Variants in CDS2 observed in about 807,000 individuals in gnomAD.
CDS2 encodes the protein phosphatidate cytidylyltransferase 2.
In CDS2, 47 loss-of-function variants were observed where a neutral mutation model predicts 59.0. The ratio of observed to expected loss-of-function variants is 0.80; its 90% CI spans 0.63 to 1.02. CDS2 has a LOEUF of 1.02. Ranked by LOEUF, CDS2 falls within the 50% of genes least tolerant of loss-of-function variation. The pLI, the probability that CDS2 is intolerant of heterozygous loss-of-function variation, is 0.00. For missense variants in CDS2, 356 were observed against 558.9 expected, an observed-to-expected ratio of 0.64 and a Z score of 3.66; for synonymous variants, 207 against 206.4, an observed-to-expected ratio of 1.00 and a Z score of -0.02.
At chr20:5,173,439 C>A in intron 1 of CDS2, 84 bp from the exon 2 acceptor site, 1 of 1,499,578 alleles carries the variant, frequency 6.7e-7, no homozygotes, top group Non-Finnish European at 9.2e-7. Context: ...TCTTTCCCCA[C>A]AGATCTCTCA....
intron 1 of CDS2, among the ~76,000 whole-genome samples, chr20:5,133,927 G>A (rs1278285266): frequency 1.3e-5 from 2 of 152,072 alleles, no homozygotes; most frequent in South Asian, 4.2e-4. Context: ...TGATAGATAT[G>A]ATACCCAAAT....
At chr20:5,161,733 A>G (rs1366984320) in intron 1 of CDS2, among the ~76,000 whole-genome samples, 1 of 152,196 alleles carries the variant, frequency 6.6e-6, no homozygotes, top group Non-Finnish European at 1.5e-5. Flanking sequence ...TCAGTACTGC[A>G]GTAGAGTATG....
Position 5,192,082 on chromosome 20 carries a change from C to T in CDS2, c.*1848C>T, listed in dbSNP as rs928530429. ...TGAGTAGGTATCTCAGCAGCACACCCGAACAGTAAAGGTGATCAATAACGA... is the reference window on the plus strand; with the variant it reads ...TGAGTAGGTATCTCAGCAGCACACCTGAACAGTAAAGGTGATCAATAACGA... On this transcript the variant is annotated 3_prime_UTR_variant, in exon 13 of 13. Transcript: ENST00000460006. The T allele has an allele frequency of 5.9e-5, 9 of 152,072 alleles. No homozygotes were observed. Among genetic ancestry groups the T allele is most frequent in the Admixed American group, 2.6e-4 (4 of 15,260 alleles). The allele number at this position is 152,072 out of a possible 1,614,324, so 9.4% of individuals were successfully genotyped here.
chr20:5,129,531 C>T (rs911956055), intron 1 of CDS2, among the ~76,000 whole-genome samples: 4 of 151,892 alleles, frequency 2.6e-5, no homozygotes, highest in Non-Finnish European at 5.9e-5. Flanking sequence ...CAACCTCTAC[C>T]TCCCAGGTTC....
chr20:5,153,928 C>T (rs537230484), intron 1 of CDS2, among the ~76,000 whole-genome samples: 1 of 152,240 alleles, frequency 6.6e-6, no homozygotes, highest in Admixed American at 6.5e-5. Context: ...TGTCTTTGGC[C>T]TCCCCCTAAT....
chr20:5,173,087 G>A (rs1445034239), intron 1 of CDS2, among the ~76,000 whole-genome samples: 1 of 152,244 alleles, frequency 6.6e-6, no homozygotes, highest in African/African-American at 2.4e-5. Context: ...CTTGGGACAT[G>A]TTGACATTAA....
intron 11 of CDS2, 91 bp from the exon 12 acceptor site, chr20:5,189,644 C>T (rs2091097463): frequency 1.7e-5 from 15 of 892,844 alleles, no homozygotes; most frequent in Non-Finnish European, 2.7e-5. Context: ...AGCTACTCAG[C>T]ACAGAAGCCT....
At chr20:5,151,159 T>C (rs1022714006) in intron 1 of CDS2, among the ~76,000 whole-genome samples, 1 of 152,222 alleles carries the variant, frequency 6.6e-6, no homozygotes, top group African/African-American at 2.4e-5. Context: ...TTTTTAGTGT[T>C]GAAATGCCAC....
intron 1 of CDS2, among the ~76,000 whole-genome samples, chr20:5,146,600 G>T (rs935368651): frequency 1.3e-5 from 2 of 152,122 alleles, no homozygotes; most frequent in Admixed American, 6.5e-5. Context: ...AAATACATTT[G>T]CTATTTTCTG....
intron 1 of CDS2, among the ~76,000 whole-genome samples, chr20:5,135,755 G>C (rs2090645180): frequency 6.6e-6 from 1 of 152,186 alleles, no homozygotes; most frequent in Admixed American, 6.5e-5. Context: ...TTTGAAGAAA[G>C]TTAAACTTTA....
At chr20:5,131,632 A>C (rs1260451086) in intron 1 of CDS2, among the ~76,000 whole-genome samples, 1 of 152,260 alleles carries the variant, frequency 6.6e-6, no homozygotes, top group Non-Finnish European at 1.5e-5. Context: ...GATGAAACCC[A>C]TATGGAGAGG....
Position 5,127,223 on chromosome 20 carries a change from G to T in CDS2, c.57+74G>T. 3.0e-6 allele frequency: 4 copies of T among 1,319,230 alleles called. No homozygotes were observed. The South Asian group carries it at 4.3e-5, about 14-fold the overall frequency. 81.7% of individuals were successfully genotyped at this position (1,319,230 alleles called of 1,614,324 possible). A position where few individuals can be genotyped will look rare whatever the true frequency, so the allele number is the denominator to read the frequency against. ...GAGGCCTGCGGGGGACGCGCGCAGA[G>T]GGGTCGTCTTGTTCTCTGACCCTTT... On this transcript the variant is annotated intron_variant, in intron 1 of 12. Transcript: ENST00000460006.
At chr20:5,171,018 C>T (rs527747859) in intron 1 of CDS2, among the ~76,000 whole-genome samples, 46 of 152,320 alleles carry the variant, frequency 3.0e-4, no homozygotes, top group African/African-American at 9.9e-4. Context: ...CAGCTCAGTC[C>T]GCCTGAGGTC....
At chr20:5,178,023 C>A (rs1002355569) in intron 4 of CDS2, among the ~76,000 whole-genome samples, 3 of 152,166 alleles carry the variant, frequency 2.0e-5, no homozygotes, top group African/African-American at 7.2e-5. Context: ...AAGAAAAGCT[C>A]TCCACTTTCT....
intron 1 of CDS2, among the ~76,000 whole-genome samples, chr20:5,170,690 G>A (rs975343094): frequency 1.3e-5 from 2 of 152,242 alleles, no homozygotes; most frequent in African/African-American, 4.8e-5. Context: ...CAGTAGGCCC[G>A]GCTGAGGCCC....
intron 1 of CDS2, among the ~76,000 whole-genome samples, chr20:5,171,497 C>T (rs527665793): frequency 6.6e-6 from 1 of 152,314 alleles, no homozygotes; most frequent in African/African-American, 2.4e-5. Flanking sequence ...GATCAGGCAG[C>T]ATCATTACCT....
In CDS2 at chr20:5,184,803, CT is replaced by C. The variant is rs2091055456; in HGVS notation, c.672-51del. On this transcript the variant is annotated intron_variant, in intron 7 of 12. Coordinates refer to ENST00000460006, the MANE Select transcript of CDS2 (RefSeq NM_003818.4). This position sits in a 1 kb window ranked among gnomAD's most constrained non-coding sequence, Gnocchi z 4.3. ...TTTAAGAATGGCACTATTTTGTGTA[CT>C]TTTGAGGTACTGTCACCTTGCTTGA... 1 of 1,305,278 alleles carries C rather than the reference CT, an allele frequency of 7.7e-7. No individual in the cohort carries two copies. Among genetic ancestry groups the C allele is most frequent in the Non-Finnish European group, 1.1e-6 (1 of 899,092 alleles). The allele number at this position is 1,305,278 out of a possible 1,614,324, so 80.9% of individuals were successfully genotyped here. A position where few individuals can be genotyped will look rare whatever the true frequency, so the allele number is the denominator to read the frequency against.
intron 1 of CDS2, among the ~76,000 whole-genome samples, chr20:5,173,246 T>C (rs971046255): frequency 1.3e-5 from 2 of 152,204 alleles, no homozygotes; most frequent in Admixed American, 6.5e-5. Context: ...AAAGGAGCCA[T>C]GTTCTCTCTC....
intron 2 of CDS2, 24 bp downstream of exon 2, chr20:5,173,683 T>C: frequency 1.9e-6 from 3 of 1,613,442 alleles, no homozygotes; most frequent in Non-Finnish European, 2.5e-6. Flanking sequence ...ATGATGCAGG[T>C]GCTTGTTGGG....
Sources: allele counts gnomAD v4.1 joint callset (sites outside exome capture counted in the v4.1 genomes callset), GRCh38; gene constraint gnomAD v4.1.1; non-coding constraint Gnocchi (gnomAD v3.1); transcripts MANE v1.5; gene names NCBI Gene and HGNC (gene_info 2026-07-23, HGNC 2026-07-21).